FKBP15: variants seen among roughly 807,000 people sequenced by gnomAD.
The protein encoded by FKBP15 is FKBP prolyl isomerase family member 15.
A neutral mutation model predicts 158.1 loss-of-function variants in FKBP15; 106 were observed. The observed-to-expected ratio is 0.67, with a 90% confidence interval of 0.57 to 0.79. The LOEUF (loss-of-function observed/expected upper bound fraction) is 0.79. FKBP15 is among the 30% of genes least tolerant of loss of function. FKBP15 has a pLI of 0.00. For synonymous variants in FKBP15, 547 were observed against 548.6 expected (o/e 1.00, Z 0.04); for missense variants, 1,287 against 1,479.1 (o/e 0.87, Z 2.13).
intron 2 of FKBP15, among the ~76,000 whole-genome samples, chr9:113,208,548 T>C (rs1049653964): frequency 1.3e-5 from 2 of 152,182 alleles, no homozygotes; most frequent in African/African-American, 4.8e-5. Flanking sequence ...TTTCTGATTA[T>C]AGAGTACAAG....
intron 21 of FKBP15, among the ~76,000 whole-genome samples, chr9:113,175,723 A>T (rs987252468): frequency 6.6e-6 from 1 of 152,230 alleles, no homozygotes; most frequent in Non-Finnish European, 1.5e-5. Context: ...AAAAAGGATA[A>T]AGGACACTAA....
At position 113,199,913 on chromosome 9, in the gene FKBP15, G is replaced by A; in HGVS notation, c.549C>T (p.Ser183=). 4 of 1,613,396 alleles carry A rather than the reference G, an allele frequency of 2.5e-6. No homozygotes were observed. The highest frequency in any genetic ancestry group is 3.4e-6 in the Non-Finnish European group (4 of 1,179,712). ...NSTSSLDAVL[S]QDLIVADGPA... ...GGCCGTCTGCCACAATGAGGTCCTG[G>A]GAGAGCACTGCATCCAGGGAAGAGG... Residue 183 remains serine, a synonymous_variant, in exon 7 of 28, where the codon TCC becomes TCT. Coordinates refer to ENST00000238256, the MANE Select transcript of FKBP15 (RefSeq NM_015258.2).
At chr9:113,175,379 A>G (rs1830284024) in intron 21 of FKBP15, among the ~76,000 whole-genome samples, 1 of 152,210 alleles carries the variant, frequency 6.6e-6, no homozygotes, top group South Asian at 2.1e-4. Context: ...AAAAATAAAT[A>G]AATAAAATGG....
chr9:113,203,044 A>G lies in FKBP15; in HGVS notation c.325-9T>C, dbSNP rs765958348. 3.8e-6 allele frequency: 6 copies of G among 1,577,492 alleles called. No individual in the cohort carries two copies. Among genetic ancestry groups the G allele is most frequent in the Admixed American group, 1.8e-5 (1 of 55,404 alleles). ...TAAAGAAGAATCCTATACTGTAGACAAGCAACGACAGATAGAAAAAAAAAA... is the reference window on the plus strand; with the variant it reads ...TAAAGAAGAATCCTATACTGTAGACGAGCAACGACAGATAGAAAAAAAAAA... On this transcript the variant is annotated splice_polypyrimidine_tract_variant and intron_variant, in intron 4 of 27. Transcript: ENST00000238256.
In FKBP15 at chr9:113,186,294, G is replaced by T. The variant is rs373020760; in HGVS notation, c.1453C>A (p.Arg485=). The change falls in exon 15 of 28, where the codon CGG becomes AGG. Residue 485 remains arginine, a synonymous_variant. Transcript: ENST00000238256. ...GAGAGCGGTGCTGGGTACAAAGGCC[G>T]AACGGGCTGCAGCTGGGAGGTGACG... ...SAVTSQLQPV[R]PLYPAPLSQP... is the part of the protein sequence containing the mutation. The T allele has an allele frequency of 1.3e-6, 2 of 1,570,946 alleles. No homozygotes were observed. Among genetic ancestry groups the T allele is most frequent in the Admixed American group, 3.7e-5 (2 of 53,550 alleles).
chr9:113,167,073 A>G (rs2118852005), intron 27 of FKBP15, among the ~76,000 whole-genome samples: 1 of 152,358 alleles, frequency 6.6e-6, no homozygotes, highest in South Asian at 2.1e-4. Flanking sequence ...CTCTCTGGAC[A>G]TCAATGACGT....
At chr9:113,214,695 A>G (rs1452943959) in intron 1 of FKBP15, among the ~76,000 whole-genome samples, 1 of 152,244 alleles carries the variant, frequency 6.6e-6, no homozygotes, top group Non-Finnish European at 1.5e-5. Context: ...TTTGAAGCCA[A>G]GCATTGACTT....
chr9:113,208,005 T>A (rs1830926386), intron 2 of FKBP15, among the ~76,000 whole-genome samples: 2 of 152,182 alleles, frequency 1.3e-5, no homozygotes, highest in South Asian at 4.1e-4. Flanking sequence ...GGGTGGGAAA[T>A]TCAGTAAGAT....
At chr9:113,204,920 T>C (rs772080605) in intron 4 of FKBP15, among the ~76,000 whole-genome samples, 3 of 149,076 alleles carry the variant, frequency 2.0e-5, no homozygotes, top group Non-Finnish European at 3.0e-5. Flanking sequence ...AAGTGCCTTG[T>C]ATGTTAACTG....
At chr9:113,205,437 T>C (rs2118935529) in intron 4 of FKBP15, among the ~76,000 whole-genome samples, 1 of 152,232 alleles carries the variant, frequency 6.6e-6, no homozygotes, top group Admixed American at 6.5e-5. Flanking sequence ...AGACATTGGG[T>C]AAAATGCACA....
intron 20 of FKBP15, 147 bp from the exon 21 acceptor site, chr9:113,176,820 C>T (rs1830307212): frequency 1.2e-6 from 1 of 819,230 alleles, no homozygotes; most frequent in African/African-American, 1.7e-5. Flanking sequence ...GTGATCATAG[C>T]TCACTATAGC....
Position 113,198,876 on chromosome 9 carries a change from TAACTTCAAGCGAAGC to T in FKBP15, c.681_695del (p.Leu228_Leu232del). On this transcript the variant is annotated inframe_deletion, in exon 8 of 28. Transcript: ENST00000238256. The surrounding 1 kb of genome is among the most constrained non-coding windows in gnomAD (Gnocchi z 5.2). ...TTACCTTGATGACTTTTCCTGATCC[TAACTTCAAGCGAAGC>T]AACTTATCTTTGTTAGCAGTGGAGT... 6.2e-7 allele frequency: 1 copy of T among 1,605,232 alleles called. No homozygotes were observed. The highest frequency in any genetic ancestry group is 8.5e-7 in the Non-Finnish European group (1 of 1,175,482).
In FKBP15 at chr9:113,187,791, AC is replaced by A. The variant is rs1218357646; in HGVS notation, c.1383+1del. 1.2e-6 allele frequency: 2 copies of A among 1,607,110 alleles called. No homozygotes were observed. The highest frequency in any genetic ancestry group is 2.2e-5 in the South Asian group (2 of 90,898). ...ATAATTAATACGGTTATAAAATGTT[AC>A]CTGAAAGGATTGGGCATTTCCAGAT... On this transcript the variant is annotated splice_donor_variant, in intron 14 of 27. Transcript: ENST00000238256. LOFTEE classifies it high-confidence loss of function.
chr9:113,211,698 A>G, intron 1 of FKBP15, 106 bp from the exon 2 acceptor site: 1 of 647,764 alleles, frequency 1.5e-6, no homozygotes, highest in Non-Finnish European at 2.6e-6. Context: ...CCTTGACTAC[A>G]TCCCACCATT....
rs915466534 is a variant in FKBP15 at position 113,163,835 on chromosome 9, T to G, written c.*2243A>C. 4 of 152,790 alleles carry G rather than the reference T, an allele frequency of 2.6e-5. No homozygotes were observed. The South Asian group carries it at 8.3e-4, about 32-fold the overall frequency. The allele number at this position is 152,790 out of a possible 1,614,324, so 9.5% of individuals were successfully genotyped here. A position where few individuals can be genotyped will look rare whatever the true frequency, so the allele number is the denominator to read the frequency against. On this transcript the variant is annotated 3_prime_UTR_variant, in exon 28 of 28. Coordinates refer to ENST00000238256, the MANE Select transcript of FKBP15 (RefSeq NM_015258.2). The stretch of plus-strand genomic sequence containing the variant: ...ATCTAATAATGTTCAATACTTAATA[T>G]TCTCTATTTATTACTTACTGCTTAC...
rs1208463076 is a variant in FKBP15 at position 113,163,828 on chromosome 9, C to CTT, written c.*2248_*2249dup. 1 of 152,634 alleles carries CTT rather than the reference C, an allele frequency of 6.6e-6. No individual in the cohort carries two copies. The highest frequency in any genetic ancestry group is 2.4e-5 in the African/African-American group (1 of 41,440). The allele number at this position is 152,634 out of a possible 1,614,324, so 9.5% of individuals were successfully genotyped here. On this transcript the variant is annotated 3_prime_UTR_variant, in exon 28 of 28. Coordinates refer to ENST00000238256, the MANE Select transcript of FKBP15 (RefSeq NM_015258.2). ...AAGCTGCATCTAATAATGTTCAATACTTAATATTCTCTATTTATTACTTAC... is the reference window on the plus strand; with the variant it reads ...AAGCTGCATCTAATAATGTTCAATACTTTTAATATTCTCTATTTATTACTTAC...
In FKBP15 at chr9:113,188,375, G is replaced by C; in HGVS notation, c.1276+14C>G. 1.3e-6 allele frequency: 2 copies of C among 1,593,510 alleles called. No individual in the cohort carries two copies. The highest frequency in any genetic ancestry group is 1.7e-6 in the Non-Finnish European group (2 of 1,161,534). ...CCCAGTTCAAGGCCACAGAGCCTCA[G>C]AGAGGTTCCTTACCCTGTGAGGTCA... On this transcript the variant is annotated intron_variant, in intron 13 of 27. Transcript: ENST00000238256.
At chr9:113,219,242 C>T (rs920285414) in intron 1 of FKBP15, among the ~76,000 whole-genome samples, 1 of 152,200 alleles carries the variant, frequency 6.6e-6, no homozygotes, top group Admixed American at 6.5e-5. Context: ...TCAGATACTC[C>T]TACTTCTATT....
rs371648872 is a variant in FKBP15 at position 113,173,553 on chromosome 9, T to C, written c.2432A>G (p.His811Arg). ...LQTQWEAKCEHLLASAKDEHL... is the reference protein window; with the variant it reads ...LQTQWEAKCERLLASAKDEHL... ...CTCATCCTTGGCGGAGGCCAACAAATGTTCACATTTTGCTTCCCACTGGGT... is the reference window on the plus strand; with the variant it reads ...CTCATCCTTGGCGGAGGCCAACAAACGTTCACATTTTGCTTCCCACTGGGT... The change falls in exon 23 of 28, where the codon CAT (histidine) becomes CGT (arginine). Residue 811 changes from histidine to arginine, a missense_variant. His to Arg is a conservative substitution (Grantham distance 29). Transcript: ENST00000238256. The C allele has an allele frequency of 2.5e-6, 4 of 1,613,854 alleles. No individual in the cohort carries two copies. The African/African-American group carries it at 5.3e-5, about 22-fold the overall frequency.
Sources: allele counts gnomAD v4.1 joint callset (sites outside exome capture counted in the v4.1 genomes callset), GRCh38; gene constraint gnomAD v4.1.1; non-coding constraint Gnocchi (gnomAD v3.1); transcripts MANE v1.5; gene names NCBI Gene and HGNC (gene_info 2026-07-23, HGNC 2026-07-21).